The following ERMARD variants were observed in gnomAD, a reference collection of about 807,000 sequenced individuals.
ERMARD encodes the protein ER membrane associated RNA degradation, also known as endoplasmic reticulum membrane-associated RNA degradation protein.
In ERMARD, 71 loss-of-function variants were observed where a neutral mutation model predicts 83.9. That is an observed-to-expected ratio of 0.85 (90% CI 0.70 to 1.03). ERMARD has a LOEUF of 1.03. Among genes scored for constraint, ERMARD ranks in the 50% least tolerant of loss-of-function variants. The pLI is 0.00. For missense variants in ERMARD, 838 were observed against 810.9 expected (o/e 1.03, Z -0.41); for synonymous variants, 284 against 298.6 (o/e 0.95, Z 0.50).
At chr6:169,751,552 G>T (rs1585327561), upstream of ERMARD, 6 of 1,610,604 alleles carry the variant, frequency 3.7e-6, no homozygotes, top group East Asian at 1.3e-4. Flanking sequence ...TCTCCCACCT[G>T]CGCCTCGTAC....
intron 3 of ERMARD, 148 bp downstream of exon 3, chr6:169,755,570 T>G: frequency 1.1e-6 from 1 of 921,620 alleles, no homozygotes; most frequent in South Asian, 1.9e-5. Flanking sequence ...CCTGGGCTAT[T>G]ATGCAGGGTC....
Position 169,766,679 on chromosome 6 carries a change from A to C in ERMARD, c.990+12A>C, listed in dbSNP as rs1792255722. 1.0e-5 allele frequency: 16 copies of C among 1,569,482 alleles called. No homozygotes were observed. The highest frequency in any genetic ancestry group is 1.4e-5 in the Non-Finnish European group (16 of 1,167,514). Reference sequence around the variant, plus strand: ...CCACCTTTGATCAAGTAAGTAAGTAAACTTGTAAGGTAACTTGAAACAAAC... The same window carrying C: ...CCACCTTTGATCAAGTAAGTAAGTACACTTGTAAGGTAACTTGAAACAAAC... On this transcript the variant is annotated intron_variant, in intron 10 of 17. Coordinates refer to ENST00000366773, the MANE Select transcript of ERMARD (RefSeq NM_018341.3).
chr6:169,752,000 C>G, intron 1 of ERMARD: 1 of 379,552 alleles, frequency 2.6e-6, no homozygotes, highest in Non-Finnish European at 4.7e-6. Flanking sequence ...TCTCACCTGA[C>G]CGTGGCTCGT....
intron 11 of ERMARD, 117 bp downstream of exon 11, chr6:169,768,288 A>G (rs1792465172): frequency 3.4e-6 from 3 of 870,804 alleles, no homozygotes; most frequent in Middle Eastern, 2.9e-4. Context: ...CTTCTGAAAC[A>G]TTGCTGTGCT....
In ERMARD at chr6:169,759,958, T is replaced by C. The variant is rs1357318234; in HGVS notation, c.726T>C (p.Asp242=). ...TCATATCTCTTACAAACCTCGAGGA[T>C]TTGATTGTTTTTCCTGGTAAGTACT... is the stretch of plus-strand genomic sequence containing the variant. The part of the protein sequence containing the change: ...RSFISLTNLE[D]LIVFPDVTYE... The change falls in exon 7 of 18, where the codon GAT becomes GAC. Residue 242 remains aspartate, a synonymous_variant. Coordinates refer to ENST00000366773, the MANE Select transcript of ERMARD (RefSeq NM_018341.3). 2 of 1,614,010 alleles carry C rather than the reference T, an allele frequency of 1.2e-6. No homozygotes were observed. Among genetic ancestry groups the C allele is most frequent in the African/African-American group, 1.3e-5 (1 of 74,928 alleles).
intron 6 of ERMARD, among the ~76,000 whole-genome samples, chr6:169,759,271 T>C (rs1306323548): frequency 6.6e-6 from 1 of 152,094 alleles, no homozygotes; most frequent in East Asian, 1.9e-4. Context: ...CCAAAGGCAA[T>C]TCAGGGGTGA....
chr6:169,759,054 A>G lies in ERMARD; in HGVS notation c.594A>G (p.Glu198=). ...VLWHGFASPE[E]IPPKYCSMMI... is the part of the protein sequence containing the mutation. ...GGCATGGGTTTGCGTCACCTGAAGA[A>G]ATTCCTCCAAAGTAAGTTGCAAGTG... The change falls in exon 6 of 18, where the codon GAA becomes GAG. Residue 198 remains glutamate (E), a synonymous_variant. Transcript: ENST00000366773. 1.2e-6 allele frequency: 2 copies of G among 1,613,808 alleles called. No individual in the cohort carries two copies.
chr6:169,776,661 G>A lies in ERMARD; in HGVS notation c.1727G>A (p.Arg576His), dbSNP rs140632188. The change falls in exon 16 of 18, where the codon CGT becomes CAT. Residue 576 changes from arginine to histidine, a missense_variant. Transcript: ENST00000366773. ...LRSRQRQNYLRMWSSIRLLSP... is the reference protein window; with the variant it reads ...LRSRQRQNYLHMWSSIRLLSP... ...TCTCGCCAGCGGCAGAACTACCTGC[G>A]TATGTGGAGTAGGTGCGCGCTCACT... The A allele has an allele frequency of 3.6e-4, 588 of 1,613,588 alleles. No individual in the cohort carries two copies. Among genetic ancestry groups the A allele is most frequent in the Non-Finnish European group, 4.1e-4 (481 of 1,179,996 alleles).
At chr6:169,771,384 A>G (rs770407440) in intron 12 of ERMARD, 2 of 151,706 alleles carry the variant, frequency 1.3e-5, no homozygotes, top group Admixed American at 6.6e-5. Flanking sequence ...TGCCCTGCCT[A>G]TTTTTTCTTC....
intron 9 of ERMARD, among the ~76,000 whole-genome samples, chr6:169,766,208 C>T (rs1019822950): frequency 1.3e-5 from 2 of 152,174 alleles, no homozygotes; most frequent in South Asian, 2.1e-4. Context: ...GTCTGTAGGC[C>T]GTGCCGATGA....
At chr6:169,758,924 T>G in intron 5 of ERMARD, 44 bp from the exon 6 acceptor site, 3 of 1,502,778 alleles carry the variant, frequency 2.0e-6, no homozygotes, top group Non-Finnish European at 2.8e-6. Flanking sequence ...ATTGGTTTAT[T>G]CAGTAATTCA....
chr6:169,771,253 T>G (rs1792882413), intron 12 of ERMARD: 1 of 152,146 alleles, frequency 6.6e-6, no homozygotes, highest in African/African-American at 2.4e-5. Context: ...CAGCTAATTT[T>G]TTTCTATTTT....
chr6:169,762,408 CT>C lies in ERMARD; in HGVS notation c.858-17del. On this transcript the variant is annotated intron_variant, in intron 8 of 17. Transcript: ENST00000366773. ...ATTTTTGAAATGTGGAGTTTTACCT[CT>C]TTTCCCTTCAATTTCATAGGTTTGC... 1 of 1,601,556 alleles carries C rather than the reference CT, an allele frequency of 6.2e-7. No individual in the cohort carries two copies. Among genetic ancestry groups the C allele is most frequent in the Non-Finnish European group, 8.5e-7 (1 of 1,170,098 alleles).
intron 2 of ERMARD, 78 bp downstream of exon 2, chr6:169,754,110 GA>G: frequency 7.2e-7 from 1 of 1,387,624 alleles, no homozygotes; most frequent in African/African-American, 1.4e-5. Flanking sequence ...TCCCCTTTCT[GA>G]CCATTGGTTC....
intron 1 of ERMARD, among the ~76,000 whole-genome samples, chr6:169,752,850 T>A (rs908630439): frequency 4.6e-5 from 7 of 152,218 alleles, no homozygotes; most frequent in Non-Finnish European, 1.5e-5. Flanking sequence ...TGCTACTTTT[T>A]ACATGGCAGG....
chr6:169,768,252 G>A, intron 11 of ERMARD, 81 bp downstream of exon 11: 3 of 1,347,910 alleles, frequency 2.2e-6, no homozygotes, highest in South Asian at 1.2e-5. Context: ...AATTAATTTT[G>A]GCTTGTGGTT....
chr6:169,780,853 G>A (rs1436996151), intron 17 of ERMARD, among the ~76,000 whole-genome samples: 2 of 151,996 alleles, frequency 1.3e-5, no homozygotes, highest in African/African-American at 4.8e-5. Context: ...AGACATCAAT[G>A]TGGGAAAAAA....
intron 8 of ERMARD, 142 bp from the exon 9 acceptor site, chr6:169,762,287 C>G (rs1791646142): frequency 1.5e-6 from 1 of 687,450 alleles, no homozygotes. Context: ...GTTTCCCAGG[C>G]TGGTCTTGAA....
At chr6:169,765,885 A>G (rs60671539) in intron 9 of ERMARD, among the ~76,000 whole-genome samples, 3,847 of 86,062 alleles carry the variant, frequency 0.045, 11 homozygotes, top group African/African-American at 0.093. Flanking sequence ...AAGTGATTTC[A>G]TCAGGCTGTC....
Sources: gnomAD v4.1 joint callset for allele counts (sites outside exome capture counted in the v4.1 genomes callset) on GRCh38, gnomAD v4.1.1 for gene constraint, MANE v1.5 for transcripts, NCBI Gene and HGNC (gene_info 2026-07-23, HGNC 2026-07-21) for gene names.